SPAG16: variants seen among roughly 807,000 people sequenced by gnomAD.
SPAG16 encodes the protein sperm associated antigen 16.
Under a neutral mutation model 80.4 loss-of-function variants are expected in SPAG16, and 86 were observed. The ratio of observed to expected loss-of-function variants is 1.07; its 90% CI spans 0.90 to 1.28. The LOEUF (loss-of-function observed/expected upper bound fraction) is 1.28, where lower values mean the gene tolerates loss of function less well. Among genes scored for constraint, SPAG16 ranks in the 50% most tolerant of loss-of-function variants. The probability of loss-of-function intolerance (pLI) is 0.00; values close to 1 mark genes in which losing one functional copy is unlikely to be tolerated. For missense variants in SPAG16, 870 were observed against 765.3 expected (o/e 1.14, Z -1.61); for synonymous variants, 294 against 265.9 (o/e 1.11, Z -1.03).
At chr2:213,736,669 A>C (rs1574986022) in intron 10 of SPAG16, among the ~76,000 whole-genome samples, 1 of 151,854 alleles carries the variant, frequency 6.6e-6, no homozygotes, top group African/African-American at 2.4e-5. Context: ...AGCATATAGA[A>C]ATTAATCTAA....
At chr2:213,756,361 C>T (rs2068332930) in intron 10 of SPAG16, among the ~76,000 whole-genome samples, 1 of 152,060 alleles carries the variant, frequency 6.6e-6, no homozygotes, top group South Asian at 2.1e-4. Flanking sequence ...TGGTGGCATC[C>T]TCCTGTAGTC....
At chr2:214,221,045 G>A (rs2058554252) in intron 15 of SPAG16, among the ~76,000 whole-genome samples, 1 of 152,108 alleles carries the variant, frequency 6.6e-6, no homozygotes, top group South Asian at 2.1e-4. Flanking sequence ...CTAACGGAGT[G>A]TCACACACAT....
intron 13 of SPAG16, among the ~76,000 whole-genome samples, chr2:214,080,024 G>C (rs1262965054): frequency 6.6e-6 from 1 of 152,090 alleles, no homozygotes; most frequent in African/African-American, 2.4e-5. Context: ...CTTAACCTCT[G>C]TTAAGACAAA....
rs557590652 is a variant in SPAG16, at chr2:213,890,859, A to C, written c.1214+28231A>C. Among the ~76,000 whole-genome samples the C allele has an allele frequency of 4.5e-4, 68 of 152,020 alleles. 1 individual carries two copies. The South Asian group carries it at 0.014, about 31-fold the overall frequency. ...TTGATGTGTTAAAGTTTGGCATTTG[A>C]TGTAGTTTAATTGACATCATTTTGA... On this transcript the variant is annotated intron_variant, in intron 11 of 15. Coordinates refer to ENST00000331683, the MANE Select transcript of SPAG16 (RefSeq NM_024532.5).
chr2:213,694,470 G>A (rs73988590), intron 10 of SPAG16, among the ~76,000 whole-genome samples: 3,841 of 152,008 alleles, frequency 0.025, 156 homozygotes, highest in African/African-American at 0.085. Flanking sequence ...TTCCATATGC[G>A]TTGCTTTCTA....
chr2:213,302,197 A>G (rs1304741135), intron 3 of SPAG16, among the ~76,000 whole-genome samples: 3 of 152,158 alleles, frequency 2.0e-5, no homozygotes, highest in Non-Finnish European at 2.9e-5. Flanking sequence ...GCAGTCTGCA[A>G]AGTGAGACCA....
At chr2:213,357,077 C>A (rs912889351) in intron 7 of SPAG16, among the ~76,000 whole-genome samples, 1 of 152,126 alleles carries the variant, frequency 6.6e-6, no homozygotes, top group Non-Finnish European at 1.5e-5. Flanking sequence ...GTTTCTTAAT[C>A]CTGAGTTCCA....
At chr2:213,416,123 G>T (rs367907677) in intron 9 of SPAG16, among the ~76,000 whole-genome samples, 2 of 152,300 alleles carry the variant, frequency 1.3e-5, no homozygotes, top group African/African-American at 4.8e-5. Context: ...GCCCATGGCT[G>T]TAAGAAGGAA....
intron 13 of SPAG16, among the ~76,000 whole-genome samples, chr2:214,045,626 G>T (rs2049276208): frequency 6.6e-6 from 1 of 152,064 alleles, no homozygotes. Context: ...TTAATGAAGT[G>T]ATTAAGAAGA....
intron 15 of SPAG16, among the ~76,000 whole-genome samples, chr2:214,355,219 T>C (rs1390384587): frequency 1.4e-5 from 2 of 145,092 alleles, no homozygotes; most frequent in African/African-American, 2.5e-5. Flanking sequence ...GAAACTACCA[T>C]CAGAGTGAAC....
intron 13 of SPAG16, among the ~76,000 whole-genome samples, chr2:214,099,135 A>G (rs1008950426): frequency 6.6e-6 from 1 of 152,024 alleles, no homozygotes; most frequent in Non-Finnish European, 1.5e-5. Context: ...AACTGTTGCT[A>G]ATTGATTAGA....
chr2:213,789,295 G>T (rs1385428117), intron 10 of SPAG16, among the ~76,000 whole-genome samples: 1 of 151,820 alleles, frequency 6.6e-6, no homozygotes, highest in Non-Finnish European at 1.5e-5. Flanking sequence ...AGTTAGTGTG[G>T]GTCTTGATGT....
At chr2:213,551,162 A>G (rs1359032853) in intron 10 of SPAG16, among the ~76,000 whole-genome samples, 1 of 152,164 alleles carries the variant, frequency 6.6e-6, no homozygotes, top group Non-Finnish European at 1.5e-5. Context: ...AAGCTACTGA[A>G]AGCTTTGGTC....
intron 15 of SPAG16, among the ~76,000 whole-genome samples, chr2:214,183,357 C>T (rs1217493431): frequency 1.3e-5 from 2 of 151,864 alleles, no homozygotes; most frequent in Non-Finnish European, 1.5e-5. Flanking sequence ...AAAATAGGGG[C>T]TATTTTTCTT....
chr2:213,774,701 G>C (rs1002925245), intron 10 of SPAG16, among the ~76,000 whole-genome samples: 1 of 152,120 alleles, frequency 6.6e-6, no homozygotes, highest in Non-Finnish European at 1.5e-5. Flanking sequence ...TTTGTGTAAA[G>C]AAACACTTAA....
chr2:213,343,971 A>G (rs1487570731), intron 6 of SPAG16, among the ~76,000 whole-genome samples: 2 of 152,136 alleles, frequency 1.3e-5, no homozygotes, highest in South Asian at 2.1e-4. Context: ...ATTGTTAAGT[A>G]TACAAATTCA....
intron 9 of SPAG16, among the ~76,000 whole-genome samples, chr2:213,471,794 C>T (rs908228320): frequency 1.4e-4 from 22 of 152,158 alleles, no homozygotes; most frequent in Non-Finnish European, 3.2e-4. Context: ...GTAACACACC[C>T]ATATGAGGAA....
intron 15 of SPAG16, among the ~76,000 whole-genome samples, chr2:214,311,218 A>G (rs1695285584): frequency 6.6e-6 from 1 of 152,098 alleles, no homozygotes; most frequent in African/African-American, 2.4e-5. Flanking sequence ...CTCTAGGGTC[A>G]GCACACTCGA....
intron 13 of SPAG16, among the ~76,000 whole-genome samples, chr2:214,073,232 C>CTTTTT (rs67988930): frequency 2.1e-5 from 3 of 141,070 alleles, no homozygotes; most frequent in African/African-American, 2.6e-5. Flanking sequence ...GAAATTTTTT[C>CTTTTT]TTTTTTTTTT....
Sources: allele counts gnomAD v4.1 joint callset (sites outside exome capture counted in the v4.1 genomes callset), GRCh38; gene constraint gnomAD v4.1.1; transcripts MANE v1.5; gene names NCBI Gene and HGNC (gene_info 2026-07-23, HGNC 2026-07-21).